Variants in TP53INP1 observed in about 807,000 individuals in gnomAD.
TP53INP1 encodes the protein tumor protein p53 inducible nuclear protein 1, also known as tumor protein p53-inducible nuclear protein 1.
Under a neutral mutation model 21.0 loss-of-function variants are expected in TP53INP1, and 12 were observed. The observed-to-expected ratio is 0.57, with a 90% CI of 0.37 to 0.93. TP53INP1 has a LOEUF of 0.93. TP53INP1 is among the 40% of genes least tolerant of loss of function. TP53INP1 has a pLI of 0.01. For missense variants in TP53INP1, 274 were observed against 294.7 expected (o/e 0.93, Z 0.51); for synonymous variants, 91 against 94.8 (o/e 0.96, Z 0.23).
chr8:94,934,899 T>C (rs1820805782), intron 3 of TP53INP1, among the ~76,000 whole-genome samples: 2 of 152,176 alleles, frequency 1.3e-5, no homozygotes, highest in South Asian at 4.1e-4. Flanking sequence ...ACCCATGACC[T>C]TACCTAGGAT....
rs570572679 is a variant in TP53INP1, at chr8:94,927,004, G to A, written c.*3475C>T. ...AACAGAGTTTAACCAGTATTTATGG[G>A]CCTTATAAAATAAAAAGATAATTTT... On this transcript the variant is annotated 3_prime_UTR_variant, in exon 4 of 4. Transcript: ENST00000342697. 1 of 152,284 alleles carries A rather than the reference G, an allele frequency of 6.6e-6. No homozygotes were observed. The highest frequency in any genetic ancestry group is 1.9e-4 in the East Asian group (1 of 5,188). 9.4% of individuals were successfully genotyped at this position (152,284 alleles called of 1,614,324 possible). A position where few individuals can be genotyped will look rare whatever the true frequency, so the allele number is the denominator to read the frequency against.
intron 1 of TP53INP1, among the ~76,000 whole-genome samples, chr8:94,946,924 G>C (rs969454445): frequency 1.3e-5 from 2 of 152,208 alleles, no homozygotes; most frequent in South Asian, 4.1e-4. Flanking sequence ...CCAGTTGTGA[G>C]ACTGTCAACA....
Position 94,930,665 on chromosome 8 carries a change from A to G in TP53INP1, c.537T>C (p.His179=), listed in dbSNP as rs776605526. The G allele has an allele frequency of 4.3e-6, 7 of 1,614,140 alleles. No individual in the cohort carries two copies. The highest frequency in any genetic ancestry group is 1.6e-4 in the Middle Eastern group (1 of 6,084). Residue 179 remains histidine, a synonymous_variant, in exon 4 of 4, where the codon CAT becomes CAC. Transcript: ENST00000342697. The part of the protein sequence containing the change: ...IHCYVAALAA[H]TTFLEQPKSF... ...TCTTGGGTTGTTCCAGAAAAGTTGT[A>G]TGAGCAGCAAGAGCTGCAACATAAC...
rs1169490313 is a variant in TP53INP1, at chr8:94,941,011, T to C, written c.-70A>G. The C allele has an allele frequency of 2.6e-6, 3 of 1,166,776 alleles. No individual in the cohort carries two copies. In the Admixed American group the frequency reaches 5.5e-5, roughly 22 times the overall value. 72.3% of individuals were successfully genotyped at this position (1,166,776 alleles called of 1,614,324 possible). A position where few individuals can be genotyped will look rare whatever the true frequency, so the allele number is the denominator to read the frequency against. On this transcript the variant is annotated 5_prime_UTR_variant, in exon 2 of 4. Transcript: ENST00000342697. ...GAGATTTCAAAACCTTGTCTTTAGTTGGCCCAATGGTACCGACAGGAGATT... is the reference window on the plus strand; with the variant it reads ...GAGATTTCAAAACCTTGTCTTTAGTCGGCCCAATGGTACCGACAGGAGATT...
chr8:94,938,501 G>T (rs1046499106), intron 3 of TP53INP1, among the ~76,000 whole-genome samples: 11 of 152,220 alleles, frequency 7.2e-5, no homozygotes, highest in Non-Finnish European at 1.6e-4. Flanking sequence ...CTTCAGGATG[G>T]GATGTGGTCA....
At chr8:94,937,738 T>C (rs1821132182) in intron 3 of TP53INP1, among the ~76,000 whole-genome samples, 1 of 152,210 alleles carries the variant, frequency 6.6e-6, no homozygotes, top group African/African-American at 2.4e-5. Context: ...GCTGTAACTA[T>C]GTTTTTAAAC....
Position 94,930,533 on chromosome 8 carries a change from G to C in TP53INP1, c.669C>G (p.Val223=). ...NLTRDCHPRQ[V]KHNGWVVHQP... ...GATGAACAACCCAGCCATTGTGCTT[G>C]ACTTGCCGAGGGTGGCAATCCCTGG... The change falls in exon 4 of 4, where the codon GTC becomes GTG. Residue 223 remains valine, a synonymous_variant. Transcript: ENST00000342697. 7 of 1,614,236 alleles carry C rather than the reference G, an allele frequency of 4.3e-6. No individual in the cohort carries two copies. Among genetic ancestry groups the C allele is most frequent in the Non-Finnish European group, 5.9e-6 (7 of 1,180,052 alleles).
chr8:94,945,971 CT>C (rs1035430372), intron 1 of TP53INP1, among the ~76,000 whole-genome samples: 2 of 152,148 alleles, frequency 1.3e-5, no homozygotes, highest in African/African-American at 4.8e-5. Context: ...CCATCCCTCC[CT>C]TTAAAAAATA....
At chr8:94,948,793 G>A (rs560984954) in intron 1 of TP53INP1, among the ~76,000 whole-genome samples, 4 of 152,102 alleles carry the variant, frequency 2.6e-5, no homozygotes, top group Non-Finnish European at 5.9e-5. Context: ...GGTGAGAGGA[G>A]GAGGTCCCGC....
chr8:94,948,238 T>C (rs1173667698), intron 1 of TP53INP1, among the ~76,000 whole-genome samples: 1 of 152,146 alleles, frequency 6.6e-6, no homozygotes, highest in Admixed American at 6.5e-5. Context: ...ACAAACACCA[T>C]TTCCTTTTAT....
chr8:94,941,016 C>A lies in TP53INP1; in HGVS notation c.-75G>T. 9.1e-7 allele frequency: 1 copy of A among 1,102,996 alleles called. No individual in the cohort carries two copies. The highest frequency in any genetic ancestry group is 1.4e-6 in the Non-Finnish European group (1 of 735,060). The allele number at this position is 1,102,996 out of a possible 1,614,324, so 68.3% of individuals were successfully genotyped here. A position where few individuals can be genotyped will look rare whatever the true frequency, so the allele number is the denominator to read the frequency against. On this transcript the variant is annotated 5_prime_UTR_variant, in exon 2 of 4. Transcript: ENST00000342697. ...TTCAAAACCTTGTCTTTAGTTGGCC[C>A]AATGGTACCGACAGGAGATTAAAGT...
intron 3 of TP53INP1, among the ~76,000 whole-genome samples, chr8:94,938,603 G>A (rs1475729591): frequency 2.0e-5 from 3 of 152,142 alleles, no homozygotes; most frequent in Non-Finnish European, 4.4e-5. Flanking sequence ...AATCACCAAT[G>A]GCCAATGATT....
intron 3 of TP53INP1, among the ~76,000 whole-genome samples, chr8:94,931,203 A>G (rs1461314510): frequency 6.6e-6 from 1 of 152,260 alleles, no homozygotes; most frequent in African/African-American, 2.4e-5. Context: ...TTTCCTGTCT[A>G]TAAGTAAAAT....
chr8:94,949,091 C>A (rs972651172), intron 1 of TP53INP1, 63 bp downstream of exon 1: 1 of 148,212 alleles, frequency 6.7e-6, no homozygotes, highest in African/African-American at 2.4e-5. Context: ...GGCAGCGCTG[C>A]GGCCCCAACC....
rs78634159 is a variant in TP53INP1, at chr8:94,948,331, T to C, written c.-151+823A>G. Among the ~76,000 whole-genome samples, 6 of 152,268 alleles carry C rather than the reference T, an allele frequency of 3.9e-5. No homozygotes were observed. The South Asian group carries it at 1.2e-3, about 32-fold the overall frequency. On this transcript the variant is annotated intron_variant, in intron 1 of 3. Transcript: ENST00000342697. ...GTAAGATAGCCGGGCCTATTTCATA[T>C]AAGGTTATTATGAGAATCAACTGGG... is the stretch of plus-strand genomic sequence containing the variant.
intron 1 of TP53INP1, among the ~76,000 whole-genome samples, chr8:94,941,597 T>C (rs1472847883): frequency 3.3e-5 from 5 of 152,236 alleles, no homozygotes; most frequent in Non-Finnish European, 7.3e-5. Context: ...CAAGCATACT[T>C]TGACCTTCTA....
intron 3 of TP53INP1, 150 bp downstream of exon 3, chr8:94,939,710 T>C (rs1382111109): frequency 8.7e-7 from 1 of 1,146,750 alleles, no homozygotes; most frequent in East Asian, 2.5e-5. Flanking sequence ...CAAGTTATCT[T>C]ACGGACCATC....
At chr8:94,941,935 T>C (rs2904888) in intron 1 of TP53INP1, among the ~76,000 whole-genome samples, 10 of 151,772 alleles carry the variant, frequency 6.6e-5, no homozygotes, top group Admixed American at 1.3e-4. Flanking sequence ...TAGGTTTTTT[T>C]CCCCCACAAA....
chr8:94,943,917 C>G (rs1821771123), intron 1 of TP53INP1, among the ~76,000 whole-genome samples: 1 of 152,194 alleles, frequency 6.6e-6, no homozygotes, highest in Admixed American at 6.5e-5. Flanking sequence ...CAGCTTTATG[C>G]TCTATGTAAG....
Sources: allele counts gnomAD v4.1 joint callset (sites outside exome capture counted in the v4.1 genomes callset), GRCh38; gene constraint gnomAD v4.1.1; transcripts MANE v1.5; gene names NCBI Gene and HGNC (gene_info 2026-07-23, HGNC 2026-07-21).